Variants in ESRRG observed in about 807,000 individuals in gnomAD.
ESRRG encodes estrogen related receptor gamma, also known as estrogen-related receptor gamma.
A neutral mutation model predicts 44.0 loss-of-function variants in ESRRG; 13 were observed. The ratio of observed to expected loss-of-function variants is 0.30; its 90% CI spans 0.19 to 0.47. The LOEUF (loss-of-function observed/expected upper bound fraction) is 0.47, where lower values mean the gene tolerates loss of function less well. Among genes scored for constraint, ESRRG ranks in the 20% least tolerant of loss-of-function variants. The pLI is 1.00. For synonymous variants in ESRRG, 215 were observed against 214.6 expected, an observed-to-expected ratio of 1.00 and a Z score of -0.02; for missense variants, 395 against 580.6, an observed-to-expected ratio of 0.68 and a Z score of 3.29.
chr1:217,090,265 C>G (rs997577589), upstream of ESRRG, among the ~76,000 whole-genome samples: 49 of 152,110 alleles, frequency 3.2e-4, no homozygotes, highest in African/African-American at 1.1e-3. Flanking sequence ...TCCCTTTTGA[C>G]CGTCACCAAT....
At chr1:216,589,094 T>C (rs1447218576) in intron 3 of ESRRG, among the ~76,000 whole-genome samples, 1 of 152,184 alleles carries the variant, frequency 6.6e-6, no homozygotes, top group African/African-American at 2.4e-5. Context: ...ATAAGAAGTA[T>C]GGTTTTATAC....
rs1015708018 is a variant in ESRRG at position 216,885,540 on chromosome 1, C to A, written c.-14+54042G>T. ...TTTTGCTTGGGAAAAGTCACCCATT[C>A]TCCCACTATTTTTTTTTTAATAGTC... On this transcript the variant is annotated intron_variant, in intron 2 of 7. Transcript: ENST00000359162. 2.7e-5 allele frequency among the ~76,000 whole-genome samples: 4 copies of A among 150,386 alleles called. No homozygotes were observed. In the Admixed American group the frequency reaches 2.7e-4, roughly 10 times the overall value.
chr1:217,040,291 T>A (rs1228740643), intron 1 of ESRRG, among the ~76,000 whole-genome samples: 1 of 152,132 alleles, frequency 6.6e-6, no homozygotes, highest in African/African-American at 2.4e-5. Flanking sequence ...TCAAATTCTG[T>A]CTCTTCTGTG....
In ESRRG at chr1:217,015,179, G is replaced by A. The variant is rs371895700; in HGVS notation, c.-106+74328C>T. Among the ~76,000 whole-genome samples, 105 of 152,210 alleles carry A rather than the reference G, an allele frequency of 6.9e-4. 2 individuals are homozygous for A. The highest frequency in any genetic ancestry group is 2.3e-3 in the African/African-American group (94 of 41,538). On this transcript the variant is annotated intron_variant, in intron 1 of 7. Transcript: ENST00000359162. ...CAGAACCCCATATAGGTTAGCTTCTGGATTTCTGAAAATAGTGCAGGGGCT... is the reference window on the plus strand; with the variant it reads ...CAGAACCCCATATAGGTTAGCTTCTAGATTTCTGAAAATAGTGCAGGGGCT...
At chr1:216,697,605 C>A (rs1324985359) in intron 1 of ESRRG, among the ~76,000 whole-genome samples, 1 of 152,176 alleles carries the variant, frequency 6.6e-6, no homozygotes, top group Non-Finnish European at 1.5e-5. Context: ...ATAATGAGGT[C>A]TTTTTCCAAA....
At chr1:216,839,441 CTTT>C (rs1425908365) in intron 2 of ESRRG, among the ~76,000 whole-genome samples, 1 of 152,146 alleles carries the variant, frequency 6.6e-6, no homozygotes, top group Non-Finnish European at 1.5e-5. Context: ...TTTTGACCAC[CTTT>C]TATGAATCAC....
chr1:216,949,970 A>G (rs978829222), intron 1 of ESRRG, among the ~76,000 whole-genome samples: 1 of 151,728 alleles, frequency 6.6e-6, no homozygotes, highest in Non-Finnish European at 1.5e-5. Flanking sequence ...ATGCCACCAC[A>G]CCCGGCTAAT....
intron 1 of ESRRG, chr1:216,707,358 C>A: frequency 1.3e-6 from 2 of 1,535,708 alleles, no homozygotes; most frequent in Non-Finnish European, 8.7e-7. Context: ...ATCGGGCCCA[C>A]CTTTTAGCTG....
At chr1:216,989,417 G>A (rs1300372566) in intron 1 of ESRRG, among the ~76,000 whole-genome samples, 1 of 118,838 alleles carries the variant, frequency 8.4e-6, no homozygotes, top group Non-Finnish European at 1.6e-5. Context: ...GCATGGTAGA[G>A]ACTCTGTCTC....
At chr1:216,584,260 A>T (rs2063339807) in intron 3 of ESRRG, among the ~76,000 whole-genome samples, 1 of 144,150 alleles carries the variant, frequency 6.9e-6, no homozygotes, top group African/African-American at 2.6e-5. Flanking sequence ...AAAACTTACA[A>T]TTTTTTTTTT....
intron 2 of ESRRG, among the ~76,000 whole-genome samples, chr1:216,672,169 G>A (rs1419518162): frequency 6.6e-6 from 1 of 152,142 alleles, no homozygotes; most frequent in Non-Finnish European, 1.5e-5. Flanking sequence ...ACTATGCCTA[G>A]AAAATGACGT....
intron 3 of ESRRG, among the ~76,000 whole-genome samples, chr1:216,624,697 G>T (rs1356699410): frequency 6.6e-6 from 1 of 152,016 alleles, no homozygotes; most frequent in East Asian, 1.9e-4. Flanking sequence ...CTCCATCCCT[G>T]AAAGTCTCAC....
rs143527296 is a variant in ESRRG at position 216,899,153 on chromosome 1, A to C, written c.-14+40429T>G. 3.4e-3 allele frequency among the ~76,000 whole-genome samples: 518 copies of C among 152,304 alleles called. 5 individuals are homozygous for C. The highest frequency in any genetic ancestry group is 5.7e-3 in the Non-Finnish European group (390 of 68,028). ...TGTTCTCAGGAAATAAATGGCTAAG[A>C]AACTTTATAGATAATGACAAGAAAG... On this transcript the variant is annotated intron_variant, in intron 2 of 7. Transcript: ENST00000359162.
At chr1:216,531,460 C>T (rs2049354027) in intron 5 of ESRRG, among the ~76,000 whole-genome samples, 2 of 152,058 alleles carry the variant, frequency 1.3e-5, no homozygotes, top group South Asian at 4.1e-4. Context: ...ACTGGGGAGG[C>T]GACCAGTTAT....
chr1:216,564,468 A>C, intron 4 of ESRRG, 88 bp from the exon 5 acceptor site: 1 of 1,009,518 alleles, frequency 9.9e-7, no homozygotes, highest in Non-Finnish European at 1.4e-6. Context: ...TTTGAAAAAC[A>C]ATCCAAATAT....
intron 1 of ESRRG, among the ~76,000 whole-genome samples, chr1:217,069,237 G>A (rs2090218480): frequency 6.6e-6 from 1 of 152,106 alleles, no homozygotes; most frequent in African/African-American, 2.4e-5. Context: ...TTCCGTGGTG[G>A]ATCCTTCCTG....
intron 3 of ESRRG, among the ~76,000 whole-genome samples, chr1:216,612,944 T>G (rs910080027): frequency 6.6e-6 from 1 of 152,220 alleles, no homozygotes; most frequent in Admixed American, 6.5e-5. Flanking sequence ...CAACTGGTCT[T>G]CAGGGGCCTT....
chr1:217,027,600 G>GAGCC (rs2081415876), intron 1 of ESRRG, among the ~76,000 whole-genome samples: 1 of 152,092 alleles, frequency 6.6e-6, no homozygotes, highest in South Asian at 2.1e-4. Context: ...TGCAAGCAGA[G>GAGCC]AGCCGCAAAC....
intron 2 of ESRRG, among the ~76,000 whole-genome samples, chr1:216,870,701 T>A: frequency 6.6e-6 from 1 of 152,068 alleles, no homozygotes; most frequent in East Asian, 1.9e-4. Context: ...TTGGTTTGCC[T>A]ATGTTATCTT....
Sources: allele counts gnomAD v4.1 joint callset (sites outside exome capture counted in the v4.1 genomes callset), GRCh38; gene constraint gnomAD v4.1.1; transcripts MANE v1.5; gene names NCBI Gene and HGNC (gene_info 2026-07-23, HGNC 2026-07-21).